ITSN1: variants seen among roughly 807,000 people sequenced by gnomAD.
ITSN1 encodes the protein intersectin-1.
In ITSN1, 58 loss-of-function variants were observed where a neutral mutation model predicts 239.8. The ratio of observed to expected loss-of-function variants is 0.24; its 90% CI spans 0.20 to 0.30. The LOEUF is 0.30. ITSN1 is among the 10% of genes least tolerant of loss of function. The pLI, the probability that ITSN1 is intolerant of heterozygous loss-of-function variation, is 1.00. For missense variants in ITSN1, 1,558 were observed against 2,103.3 expected (o/e 0.74, Z 5.07); for synonymous variants, 780 against 770.8 (o/e 1.01, Z -0.20).
chr21:33,869,474 T>C (rs1982337258), intron 33 of ITSN1, among the ~76,000 whole-genome samples: 1 of 152,258 alleles, frequency 6.6e-6, no homozygotes, highest in Non-Finnish European at 1.5e-5. Context: ...TTATGGGAAC[T>C]ACAATTCAAG....
chr21:33,643,547 T>G (rs1264415743), intron 1 of ITSN1: 1 of 151,994 alleles, frequency 6.6e-6, no homozygotes, highest in African/African-American at 2.4e-5. Context: ...TGGGCAATCT[T>G]TTGTTGTGAT....
At chr21:33,834,053 A>G (rs1195116359) in intron 27 of ITSN1, among the ~76,000 whole-genome samples, 1 of 152,096 alleles carries the variant, frequency 6.6e-6, no homozygotes, top group African/African-American at 2.4e-5. Flanking sequence ...AATCCATGGT[A>G]TATCTTAATT....
intron 20 of ITSN1, among the ~76,000 whole-genome samples, chr21:33,809,446 T>C (rs2072727948): frequency 6.6e-6 from 1 of 152,228 alleles, no homozygotes; most frequent in South Asian, 2.1e-4. Flanking sequence ...TCTCCACCTC[T>C]ACCCCAAACA....
intron 33 of ITSN1, among the ~76,000 whole-genome samples, chr21:33,873,375 A>T (rs1983078105): frequency 6.6e-6 from 1 of 152,286 alleles, no homozygotes; most frequent in South Asian, 2.1e-4. Flanking sequence ...GTCTTTCTTC[A>T]TTCTCCAGCA....
At position 33,888,296 on chromosome 21, in the gene ITSN1, C is replaced by T. The variant is rs145445183; in HGVS notation, c.5162C>T (p.Pro1721Leu). 28 of 1,612,124 alleles carry T rather than the reference C, an allele frequency of 1.7e-5. No individual in the cohort carries two copies. The highest frequency in any genetic ancestry group is 5.5e-5 in the South Asian group (5 of 90,868). The change falls in exon 40 of 40, where the codon CCG (proline) becomes CTG (leucine). Residue 1721 changes from proline (P) to leucine (L), a missense_variant. Physicochemically the swap from Pro to Leu is moderately conservative, Grantham distance 98. Coordinates refer to ENST00000381318, the MANE Select transcript of ITSN1 (RefSeq NM_003024.3). ...VRLDLQLFDEP is the reference protein window; with the variant it reads ...VRLDLQLFDEL Reference sequence around the variant, plus strand: ...TTGGACCTGCAGTTGTTTGATGAGCCGTAGGCAGCGGGCTCAGGGTGTGCT... The same window carrying T: ...TTGGACCTGCAGTTGTTTGATGAGCTGTAGGCAGCGGGCTCAGGGTGTGCT...
chr21:33,811,589 AC>A (rs2072920091), intron 21 of ITSN1, among the ~76,000 whole-genome samples: 1 of 152,206 alleles, frequency 6.6e-6, no homozygotes, highest in East Asian at 1.9e-4. Context: ...TGCAAATAGC[AC>A]TTTTTTTTGC....
At chr21:33,745,264 A>G (rs1036942212) in intron 5 of ITSN1, among the ~76,000 whole-genome samples, 5 of 152,228 alleles carry the variant, frequency 3.3e-5, no homozygotes, top group African/African-American at 7.2e-5. Context: ...TGAGAATGCA[A>G]TCAGCAAAAT....
intron 36 of ITSN1, among the ~76,000 whole-genome samples, chr21:33,884,149 G>A (rs957908084): frequency 1.1e-4 from 16 of 152,026 alleles, no homozygotes; most frequent in South Asian, 4.1e-4. Flanking sequence ...GGATCCACCC[G>A]CCTTGGCCTC....
At chr21:33,844,131 A>G (rs980568676) in intron 29 of ITSN1, among the ~76,000 whole-genome samples, 3 of 152,250 alleles carry the variant, frequency 2.0e-5, no homozygotes, top group African/African-American at 7.2e-5. Context: ...CAATCCGTGC[A>G]CGAACCCTGG....
chr21:33,791,544 G>A (rs559830382), intron 16 of ITSN1, among the ~76,000 whole-genome samples: 13 of 151,860 alleles, frequency 8.6e-5, no homozygotes, highest in African/African-American at 2.9e-4. Flanking sequence ...TTTTTTTTCT[G>A]TAGATTCTTC....
chr21:33,872,174 G>A (rs1247076939), intron 33 of ITSN1, among the ~76,000 whole-genome samples: 1 of 152,216 alleles, frequency 6.6e-6, no homozygotes, highest in East Asian at 1.9e-4. Flanking sequence ...AGATCTGGGT[G>A]GAAGTTAAAT....
At chr21:33,885,229 G>C in intron 37 of ITSN1, 106 bp downstream of exon 37, 4 of 1,096,468 alleles carry the variant, frequency 3.6e-6, no homozygotes, top group Non-Finnish European at 5.5e-6. Flanking sequence ...ACCTAGAGGA[G>C]GGGCATGGAA....
chr21:33,678,493 T>G (rs2090732531), intron 1 of ITSN1, among the ~76,000 whole-genome samples: 1 of 152,220 alleles, frequency 6.6e-6, no homozygotes, highest in East Asian at 1.9e-4. Context: ...CCATGACATT[T>G]GTGGTAAGTA....
intron 29 of ITSN1, among the ~76,000 whole-genome samples, chr21:33,855,470 C>G (rs963573867): frequency 6.6e-6 from 1 of 152,250 alleles, no homozygotes; most frequent in Non-Finnish European, 1.5e-5. Flanking sequence ...CACCTACATT[C>G]GGGACACCTC....
At chr21:33,802,011 A>G (rs1467170786) in intron 19 of ITSN1, among the ~76,000 whole-genome samples, 2 of 152,222 alleles carry the variant, frequency 1.3e-5, no homozygotes, top group Non-Finnish European at 2.9e-5. Flanking sequence ...AAATATGTAA[A>G]CACCATATAA....
chr21:33,875,129 G>A (rs1983506238), intron 33 of ITSN1, among the ~76,000 whole-genome samples: 1 of 152,176 alleles, frequency 6.6e-6, no homozygotes, highest in African/African-American at 2.4e-5. Context: ...TCAAGGATGG[G>A]ACCATTCACT....
intron 1 of ITSN1, among the ~76,000 whole-genome samples, chr21:33,678,822 T>G (rs1004450444): frequency 3.3e-5 from 5 of 152,304 alleles, no homozygotes; most frequent in African/African-American, 1.2e-4. Context: ...TAAGCGATTC[T>G]CCTGCCTCAG....
chr21:33,652,383 G>A (rs1350953867), intron 1 of ITSN1, among the ~76,000 whole-genome samples: 1 of 152,138 alleles, frequency 6.6e-6, no homozygotes, highest in Non-Finnish European at 1.5e-5. Flanking sequence ...GCTGGATTCA[G>A]TCTTCGTTGC....
chr21:33,852,598 A>G (rs1978528146), intron 29 of ITSN1, among the ~76,000 whole-genome samples: 1 of 152,072 alleles, frequency 6.6e-6, no homozygotes, highest in Non-Finnish European at 1.5e-5. Context: ...AGGCCATCAC[A>G]TCTCTCTCCA....
Sources: allele counts gnomAD v4.1 joint callset (sites outside exome capture counted in the v4.1 genomes callset), GRCh38; gene constraint gnomAD v4.1.1; transcripts MANE v1.5; gene names NCBI Gene and HGNC (gene_info 2026-07-23, HGNC 2026-07-21).